The following CFTR variants were observed in gnomAD, a reference collection of about 807,000 sequenced individuals.
CFTR encodes CF transmembrane conductance regulator.
Under a neutral mutation model 171.6 loss-of-function variants are expected in CFTR, and 181 were observed. The observed-to-expected ratio is 1.05, with a 90% CI of 0.93 to 1.19. The LOEUF is 1.19. CFTR is among the 50% of genes most tolerant of loss of function. The pLI, the probability that CFTR is intolerant of heterozygous loss-of-function variation, is 0.00. For missense variants in CFTR, 1,968 were observed against 1,734.7 expected (o/e 1.13, Z -2.39); for synonymous variants, 583 against 608.0 (o/e 0.96, Z 0.60).
chr7:117,480,425 A>T (rs1207341602), intron 1 of CFTR, among the ~76,000 whole-genome samples: 4 of 152,158 alleles, frequency 2.6e-5, no homozygotes, highest in African/African-American at 9.7e-5. Context: ...CACTTGTTTT[A>T]TTTCATTTTT....
Position 117,666,922 on chromosome 7 carries a change from C to G in CFTR, c.4257C>G (p.Asn1419Lys). The G allele has an allele frequency of 6.2e-7, 1 of 1,614,002 alleles. No individual in the cohort carries two copies. The highest frequency in any genetic ancestry group is 1.1e-5 in the South Asian group (1 of 91,076). The change falls in exon 27 of 27, where the codon AAC becomes AAG. Residue 1419 changes from asparagine to lysine, a missense_variant. Physicochemically the swap from Asn to Lys is moderately conservative, Grantham distance 94. Coordinates refer to ENST00000003084, the MANE Select transcript of CFTR (RefSeq NM_000492.4). ...ECQQFLVIEE[N>K]KVRQYDSIQK... ...CATTTCCCTAGGTCATAGAAGAGAA[C>G]AAAGTGCGGCAGTACGATTCCATCC... is the stretch of plus-strand genomic sequence containing the variant.
At chr7:117,638,811 C>A (rs1001535017) in intron 22 of CFTR, among the ~76,000 whole-genome samples, 6 of 151,850 alleles carry the variant, frequency 4.0e-5, no homozygotes, top group African/African-American at 1.4e-4. Context: ...TTATTCTGAG[C>A]AGTCTCTGAA....
In CFTR at chr7:117,606,893, G is replaced by T. The variant is rs541379164; in HGVS notation, c.2988+140G>T. 16 of 692,016 alleles carry T rather than the reference G, an allele frequency of 2.3e-5. No individual in the cohort carries two copies. The African/African-American group carries it at 2.9e-4, about 12-fold the overall frequency. The allele number at this position is 692,016 out of a possible 1,614,324, so 42.9% of individuals were successfully genotyped here. A position where few individuals can be genotyped will look rare whatever the true frequency, so the allele number is the denominator to read the frequency against. ...TGCATTAATTTTGTAATTATCCAAA[G>T]CCTTCAAAATAGACATAAGTTTAGT... On this transcript the variant is annotated intron_variant, in intron 18 of 26. Transcript: ENST00000003084.
chr7:117,601,127 T>A (rs1792217620), intron 15 of CFTR, among the ~76,000 whole-genome samples: 1 of 152,050 alleles, frequency 6.6e-6, no homozygotes, highest in South Asian at 2.1e-4. Flanking sequence ...ACTCCTCTAG[T>A]TAGAACAAAG....
rs184808847 is a variant in CFTR at position 117,499,651 on chromosome 7, G to C, written c.54-4602G>C. On this transcript the variant is annotated intron_variant, in intron 1 of 26. Coordinates refer to ENST00000003084, the MANE Select transcript of CFTR (RefSeq NM_000492.4). Reference sequence around the variant, plus strand: ...CATAGTGAATGATTAATTAGTTTCTGTTAGAAATAGTCAGAACTAGGCTGG... The same window carrying C: ...CATAGTGAATGATTAATTAGTTTCTCTTAGAAATAGTCAGAACTAGGCTGG... Among the ~76,000 whole-genome samples, 191 of 151,296 alleles carry C rather than the reference G, an allele frequency of 1.3e-3. 1 individual carries two copies. The Middle Eastern group carries it at 0.017, about 13-fold the overall frequency.
intron 11 of CFTR, among the ~76,000 whole-genome samples, chr7:117,579,534 A>G (rs1470043054): frequency 6.6e-6 from 1 of 151,882 alleles, no homozygotes; most frequent in African/African-American, 2.4e-5. Flanking sequence ...TAGTAAGCAC[A>G]AATATCCATT....
chr7:117,612,186 C>G (rs907822090), intron 20 of CFTR, among the ~76,000 whole-genome samples: 1 of 149,006 alleles, frequency 6.7e-6, no homozygotes, highest in African/African-American at 2.5e-5. Flanking sequence ...AGGGTCCTAG[C>G]TTCAAAATTA....
In CFTR at chr7:117,545,296, G is replaced by A. The variant is rs1348701665; in HGVS notation, c.1209+3188G>A. ...CCACTGGGTCCCTCCCACAACACAT[G>A]GGAATTATGGGAGCTATAATTCAAG... On this transcript the variant is annotated intron_variant, in intron 9 of 26. Coordinates refer to ENST00000003084, the MANE Select transcript of CFTR (RefSeq NM_000492.4). 2.0e-5 allele frequency among the ~76,000 whole-genome samples: 3 copies of A among 152,226 alleles called. No homozygotes were observed. The East Asian group carries it at 5.8e-4, about 29-fold the overall frequency.
chr7:117,583,039 T>C (rs1178789223), intron 11 of CFTR, among the ~76,000 whole-genome samples: 1 of 152,166 alleles, frequency 6.6e-6, no homozygotes, highest in Non-Finnish European at 1.5e-5. Flanking sequence ...TTGTTTAAAA[T>C]ATAAATGTTA....
intron 20 of CFTR, among the ~76,000 whole-genome samples, chr7:117,612,027 A>ATATATATATATATATATATATATATG (rs1792404659): frequency 4.5e-5 from 3 of 66,002 alleles, no homozygotes; most frequent in Admixed American, 1.3e-4. Flanking sequence ...ATATATGTAT[A>ATATATATATATATATATATATATATG]TATATATATA....
intron 8 of CFTR, 92 bp from the exon 9 acceptor site, chr7:117,541,924 A>G: frequency 1.9e-6 from 1 of 526,946 alleles, no homozygotes; most frequent in East Asian, 3.2e-5. Context: ...TTCATATATA[A>G]GATGTAGCAC....
intron 12 of CFTR, among the ~76,000 whole-genome samples, chr7:117,588,236 T>A (rs1791975162): frequency 6.6e-6 from 1 of 152,096 alleles, no homozygotes; most frequent in African/African-American, 2.4e-5. Context: ...ATTTTCAAAA[T>A]TTTTCATCAT....
intron 11 of CFTR, among the ~76,000 whole-genome samples, chr7:117,573,328 A>G (rs1308643992): frequency 2.0e-5 from 3 of 152,084 alleles, no homozygotes; most frequent in Non-Finnish European, 4.4e-5. Context: ...TATTACTTTG[A>G]CCCTCTCTAG....
intron 9 of CFTR, among the ~76,000 whole-genome samples, chr7:117,542,728 A>G (rs942924761): frequency 1.3e-5 from 2 of 152,134 alleles, no homozygotes; most frequent in African/African-American, 4.8e-5. Context: ...CTTTCTGTGT[A>G]ATCTAAGTCA....
chr7:117,634,535 T>C (rs528429560), intron 22 of CFTR, among the ~76,000 whole-genome samples: 1 of 152,238 alleles, frequency 6.6e-6, no homozygotes. Flanking sequence ...TTGCTAGTTA[T>C]CCAAGGTGGA....
intron 1 of CFTR, among the ~76,000 whole-genome samples, chr7:117,489,512 T>G (rs1020388527): frequency 6.6e-6 from 1 of 152,024 alleles, no homozygotes; most frequent in Non-Finnish European, 1.5e-5. Flanking sequence ...TGTGGCTTAT[T>G]ATTGTTCCCT....
At position 117,636,873 on chromosome 7, in the gene CFTR, A is replaced by T. The variant is rs188276907; in HGVS notation, c.3718-5565A>T. 3.6e-4 allele frequency among the ~76,000 whole-genome samples: 53 copies of T among 147,810 alleles called. No homozygotes were observed. The East Asian group carries it at 0.01, about 29-fold the overall frequency. On this transcript the variant is annotated intron_variant, in intron 22 of 26. Coordinates refer to ENST00000003084, the MANE Select transcript of CFTR (RefSeq NM_000492.4). ...CTCACTGTTGCCCAGGCTGGAGTGC[A>T]GTGGTGTGATCTTGGCTCACTGCAA...
intron 17 of CFTR, among the ~76,000 whole-genome samples, chr7:117,605,970 C>G (rs1792293729): frequency 6.6e-6 from 1 of 152,128 alleles, no homozygotes; most frequent in Non-Finnish European, 1.5e-5. Flanking sequence ...CCTGTCTAGA[C>G]AATGAATTCC....
chr7:117,637,105 C>T (rs1290756084), intron 22 of CFTR, among the ~76,000 whole-genome samples: 2 of 152,132 alleles, frequency 1.3e-5, no homozygotes, highest in African/African-American at 4.8e-5. Context: ...GTGTGAGCCA[C>T]CATGCCCTGC....
Sources: allele counts gnomAD v4.1 joint callset (sites outside exome capture counted in the v4.1 genomes callset), GRCh38; gene constraint gnomAD v4.1.1; transcripts MANE v1.5; gene names NCBI Gene and HGNC (gene_info 2026-07-23, HGNC 2026-07-21).